PATJ: variants seen among roughly 807,000 people sequenced by gnomAD.
The protein encoded by PATJ is PATJ crumbs cell polarity complex component.
PATJ carries 190 observed loss-of-function variants against 224.9 expected under a neutral mutation model. The observed-to-expected ratio is 0.84, with a 90% CI of 0.75 to 0.95. The LOEUF (loss-of-function observed/expected upper bound fraction) is 0.95, where lower values mean the gene tolerates loss of function less well. PATJ is among the 40% of genes least tolerant of loss of function. The pLI is 0.00. For missense variants in PATJ, 2,121 were observed against 2,270.3 expected, an observed-to-expected ratio of 0.93 and a Z score of 1.34; for synonymous variants, 769 against 820.3, an observed-to-expected ratio of 0.94 and a Z score of 1.07.
At chr1:62,137,344 C>T (rs1286948401) in intron 41 of PATJ, among the ~76,000 whole-genome samples, 1 of 137,754 alleles carries the variant, frequency 7.3e-6, no homozygotes, top group Non-Finnish European at 1.5e-5. Flanking sequence ...GAGGGGGAAA[C>T]CCATTGGCAG....
intron 41 of PATJ, among the ~76,000 whole-genome samples, chr1:62,143,192 A>C (rs1231860725): frequency 6.6e-6 from 1 of 152,160 alleles, no homozygotes; most frequent in Non-Finnish European, 1.5e-5. Flanking sequence ...CTGGCATCCT[A>C]GCATCCTTTC....
intron 27 of PATJ, among the ~76,000 whole-genome samples, chr1:61,974,453 G>A (rs1433443119): frequency 2.0e-5 from 2 of 100,426 alleles, no homozygotes; most frequent in Non-Finnish European, 3.6e-5. Context: ...CGCTCTTGTT[G>A]CCAAGGCTAG....
intron 14 of PATJ, among the ~76,000 whole-genome samples, chr1:61,813,836 A>G (rs969866616): frequency 2.0e-5 from 3 of 152,152 alleles, no homozygotes; most frequent in African/African-American, 7.2e-5. Context: ...TCTAAATAAT[A>G]TGAACAATAA....
intron 27 of PATJ, among the ~76,000 whole-genome samples, chr1:61,949,255 T>G (rs1679260184): frequency 6.6e-6 from 1 of 152,006 alleles, no homozygotes; most frequent in Admixed American, 6.6e-5. Context: ...TGCAAAACAT[T>G]ACATACTGTA....
intron 22 of PATJ, among the ~76,000 whole-genome samples, chr1:61,886,221 G>A (rs10889265): frequency 0.75 from 114,635 of 151,886 alleles, 43,393 homozygotes; most frequent in East Asian, 0.88. Flanking sequence ...CAATACTTAA[G>A]GCATGAACAG....
intron 27 of PATJ, among the ~76,000 whole-genome samples, chr1:61,953,104 T>C (rs1049323585): frequency 6.6e-6 from 1 of 152,232 alleles, no homozygotes; most frequent in African/African-American, 2.4e-5. Context: ...CTTGCAATCA[T>C]TGCTACATTG....
At chr1:62,042,983 C>T (rs1319846192) in intron 30 of PATJ, among the ~76,000 whole-genome samples, 1 of 152,054 alleles carries the variant, frequency 6.6e-6, no homozygotes, top group Non-Finnish European at 1.5e-5. Flanking sequence ...GTTCTAGACC[C>T]GAAGGGTATC....
chr1:61,761,093 C>T (rs1486407314), intron 1 of PATJ, among the ~76,000 whole-genome samples: 1 of 152,102 alleles, frequency 6.6e-6, no homozygotes, highest in East Asian at 1.9e-4. Flanking sequence ...ATCCTCTCAC[C>T]TCAGTCTCCA....
intron 24 of PATJ, among the ~76,000 whole-genome samples, chr1:61,902,946 C>G (rs555019884): frequency 2.6e-5 from 4 of 152,006 alleles, no homozygotes; most frequent in Non-Finnish European, 5.9e-5. Context: ...GCAAAAGCTC[C>G]GAGGTAGGAG....
intron 14 of PATJ, among the ~76,000 whole-genome samples, chr1:61,810,294 C>T (rs1557683769): frequency 6.6e-6 from 1 of 152,072 alleles, no homozygotes; most frequent in Non-Finnish European, 1.5e-5. Flanking sequence ...AAATATGGCT[C>T]GCCTTGTAGT....
chr1:61,808,581 G>A, intron 14 of PATJ, 51 bp downstream of exon 14: 1 of 1,158,880 alleles, frequency 8.6e-7, no homozygotes, highest in Non-Finnish European at 1.3e-6. Flanking sequence ...TTAAGAGATA[G>A]GGTCTCACTA....
chr1:62,048,927 T>C (rs72677941), intron 30 of PATJ, among the ~76,000 whole-genome samples: 4,014 of 152,176 alleles, frequency 0.026, 123 homozygotes, highest in Non-Finnish European at 0.034. Flanking sequence ...CTGAAAAAAT[T>C]TGAAGTCCAA....
chr1:61,827,681 A>G, intron 16 of PATJ, 98 bp downstream of exon 16: 1 of 1,129,172 alleles, frequency 8.9e-7, no homozygotes, highest in Non-Finnish European at 1.2e-6. Flanking sequence ...AAACCATTCC[A>G]CTCTGCTCTT....
chr1:61,823,174 A>T, intron 15 of PATJ, 95 bp downstream of exon 15: 1 of 1,233,488 alleles, frequency 8.1e-7, no homozygotes, highest in African/African-American at 1.5e-5. Flanking sequence ...TAGTGTCACC[A>T]ATGCCAATGT....
intron 31 of PATJ, among the ~76,000 whole-genome samples, chr1:62,077,327 A>G (rs949952629): frequency 1.3e-5 from 2 of 152,082 alleles, no homozygotes; most frequent in Admixed American, 1.3e-4. Flanking sequence ...GTCCTTTTCT[A>G]CTTTCTTCCT....
At chr1:62,067,803 T>G (rs1390947219) in intron 31 of PATJ, among the ~76,000 whole-genome samples, 1 of 152,182 alleles carries the variant, frequency 6.6e-6, no homozygotes. Context: ...AACCACCATC[T>G]CTGTTTGTTT....
chr1:61,989,998 G>A lies in PATJ; in HGVS notation c.3671-170G>A, dbSNP rs563418491. On this transcript the variant is annotated intron_variant, in intron 27 of 43. Transcript: ENST00000642238. Reference sequence around the variant, plus strand: ...GCTGTAGTGTGCTATAGTCACACCTGTGAATAGCCACTGCAGCACTCCAGT... The same window carrying A: ...GCTGTAGTGTGCTATAGTCACACCTATGAATAGCCACTGCAGCACTCCAGT... Among the ~76,000 whole-genome samples, 4 of 152,190 alleles carry A rather than the reference G, an allele frequency of 2.6e-5. No individual in the cohort carries two copies. The East Asian group carries it at 7.7e-4, about 29-fold the overall frequency.
intron 29 of PATJ, among the ~76,000 whole-genome samples, chr1:62,032,747 G>A (rs951902376): frequency 2.0e-5 from 3 of 152,184 alleles, no homozygotes; most frequent in African/African-American, 4.8e-5. Flanking sequence ...CTTGAGTAGT[G>A]TATTAGTCTG....
intron 21 of PATJ, 26 bp from the exon 22 acceptor site, chr1:61,884,211 C>T (rs759704161): frequency 6.4e-7 from 1 of 1,555,432 alleles, no homozygotes. Context: ...CTCTTGTGTT[C>T]ACTGTCATCT....
Sources: allele counts gnomAD v4.1 joint callset (sites outside exome capture counted in the v4.1 genomes callset), GRCh38; gene constraint gnomAD v4.1.1; transcripts MANE v1.5; gene names NCBI Gene and HGNC (gene_info 2026-07-23, HGNC 2026-07-21).